The following GBP7 variants were observed in gnomAD, a reference collection of about 807,000 sequenced individuals.
The protein encoded by GBP7 is guanylate binding protein 7, also known as guanylate-binding protein 7.
A neutral mutation model predicts 61.3 loss-of-function variants in GBP7; 43 were observed. The ratio of observed to expected loss-of-function variants is 0.70; its 90% CI spans 0.55 to 0.91. GBP7 has a LOEUF of 0.91. Among genes scored for constraint, GBP7 ranks in the 40% least tolerant of loss-of-function variants. The probability of loss-of-function intolerance (pLI) is 0.00; values close to 1 mark genes in which losing one functional copy is unlikely to be tolerated. For missense variants in GBP7, 717 were observed against 740.5 expected (o/e 0.97, Z 0.37); for synonymous variants, 267 against 271.0 (o/e 0.99, Z 0.14).
rs1469978335 is a variant in GBP7 at position 89,171,816 on chromosome 1, C to CACT, written c.117_119dup (p.Val41dup). 6.2e-7 allele frequency: 1 copy of CACT among 1,613,744 alleles called. No individual in the cohort carries two copies. The highest frequency in any genetic ancestry group is 8.5e-7 in the Non-Finnish European group (1 of 1,179,944). On this transcript the variant is annotated inframe_insertion, in exon 2 of 11. Coordinates refer to ENST00000294671, the MANE Select transcript of GBP7 (RefSeq NM_207398.3). The stretch of plus-strand genomic sequence containing the variant: ...TGCGGTAGAGGCCCACAATTGCCAC[C>CACT]ACTACTACAGGCTGTGTAATGGCAG...
At chr1:89,155,541 C>T (rs143244843) in intron 3 of GBP7, among the ~76,000 whole-genome samples, 1,795 of 152,150 alleles carry the variant, frequency 0.012, 38 homozygotes, top group African/African-American at 0.04. Flanking sequence ...AAGCATGGCA[C>T]GAGAACTACG....
chr1:89,158,336 C>A (rs1055326343), intron 3 of GBP7, among the ~76,000 whole-genome samples: 2 of 152,156 alleles, frequency 1.3e-5, no homozygotes, highest in African/African-American at 4.8e-5. Flanking sequence ...TCCTATTCAA[C>A]ATAGTGTTGG....
In GBP7 at chr1:89,149,741, A is replaced by T. The variant is rs752259922; in HGVS notation, c.872-169T>A. Among the ~76,000 whole-genome samples the T allele has an allele frequency of 5.3e-5, 8 of 152,248 alleles. No homozygotes were observed. The South Asian group carries it at 8.3e-4, about 16-fold the overall frequency. ...TACTACTACTACTTTTTATGGAGTC[A>T]CTTTCCTACGATAACATGACTGTTG... is the stretch of plus-strand genomic sequence containing the variant. On this transcript the variant is annotated intron_variant, in intron 6 of 10. Coordinates refer to ENST00000294671, the MANE Select transcript of GBP7 (RefSeq NM_207398.3).
At chr1:89,152,615 T>G in intron 4 of GBP7, 53 bp downstream of exon 4, 1 of 1,561,226 alleles carries the variant, frequency 6.4e-7, no homozygotes, top group East Asian at 2.2e-5. Context: ...CAGTATCAGT[T>G]TCCATTCCCC....
At position 89,150,406 on chromosome 1, in the gene GBP7, T is replaced by G; in HGVS notation, c.795A>C (p.Ser265=). The change falls in exon 6 of 11, where the codon TCA becomes TCC. Residue 265 remains serine (S), a synonymous_variant. Transcript: ENST00000294671. The part of the protein sequence containing the change: ...DQLDSNFQMQ[S]ENFCSYIFTH... ...TGAAGATATAAGAACAGAAATTTTC[T>G]GATTGCATCTGGAAATTACTATCCA... 6.2e-7 allele frequency: 1 copy of G among 1,613,692 alleles called. No homozygotes were observed. Among genetic ancestry groups the G allele is most frequent in the Non-Finnish European group, 8.5e-7 (1 of 1,179,584 alleles).
intron 8 of GBP7, among the ~76,000 whole-genome samples, chr1:89,142,008 T>C (rs1681966529): frequency 6.6e-6 from 1 of 152,214 alleles, no homozygotes; most frequent in Non-Finnish European, 1.5e-5. Context: ...CTGCCTACCC[T>C]TTTCAAATTA....
chr1:89,134,690 C>T (rs963666923), intron 9 of GBP7, among the ~76,000 whole-genome samples: 1 of 151,836 alleles, frequency 6.6e-6, no homozygotes, highest in Admixed American at 6.6e-5. Context: ...AAGCCAAAAA[C>T]CCCATGAAAG....
At chr1:89,144,163 A>T (rs1682015666) in intron 8 of GBP7, among the ~76,000 whole-genome samples, 1 of 152,138 alleles carries the variant, frequency 6.6e-6, no homozygotes, top group Non-Finnish European at 1.5e-5. Context: ...TTCACTTAGG[A>T]TAATGGCCTC....
chr1:89,146,768 A>C (rs1570347178), intron 8 of GBP7, among the ~76,000 whole-genome samples: 1 of 152,218 alleles, frequency 6.6e-6, no homozygotes, highest in African/African-American at 2.4e-5. Flanking sequence ...AATGATGATT[A>C]TCAAAAAGTC....
At position 89,150,426 on chromosome 1, in the gene GBP7, T is replaced by C; in HGVS notation, c.775A>G (p.Ser259Gly). Residue 259 changes from serine to glycine, a missense_variant, in exon 6 of 11, where the codon AGT becomes GGT. Physicochemically the swap from Ser to Gly is moderately conservative, Grantham distance 56. Transcript: ENST00000294671. The part of the protein sequence containing the change: ...VEEVREDQLD[S>G]NFQMQSENFC... The stretch of plus-strand genomic sequence containing the variant: ...TTTTCTGATTGCATCTGGAAATTAC[T>C]ATCCAGTTGGTCTTCTCGTACTTCT... The C allele has an allele frequency of 6.2e-7, 1 of 1,614,066 alleles. No individual in the cohort carries two copies. Among genetic ancestry groups the C allele is most frequent in the Non-Finnish European group, 8.5e-7 (1 of 1,179,912 alleles).
chr1:89,162,055 T>TTTTTTC (rs1647286048), intron 3 of GBP7, among the ~76,000 whole-genome samples: 1 of 151,474 alleles, frequency 6.6e-6, no homozygotes, highest in African/African-American at 2.4e-5. Flanking sequence ...TTTTTTTTTT[T>TTTTTTC]CAGGTTTGTC....
intron 7 of GBP7, among the ~76,000 whole-genome samples, 176 bp downstream of exon 7, chr1:89,149,116 T>A (rs1682133178): frequency 6.6e-6 from 1 of 152,138 alleles, no homozygotes; most frequent in Non-Finnish European, 1.5e-5. Context: ...AGAAAATTAA[T>A]AAATTTCCCA....
rs769215097 is a variant in GBP7, at chr1:89,141,573, G to C, written c.1441C>G (p.Leu481Val). 1.9e-6 allele frequency: 3 copies of C among 1,613,778 alleles called. No homozygotes were observed. The South Asian group carries it at 3.3e-5, about 18-fold the overall frequency. ...EESILQSDKA[L>V]TAGEKAIAAK... ...GCTATGGCCTTCTCTCCAGCAGTGA[G>C]GGCTTTGTCTGACTGCAGGATGGAT... Residue 481 changes from leucine to valine, a missense_variant, in exon 9 of 11, where the codon CTC (leucine) becomes GTC (valine). Coordinates refer to ENST00000294671, the MANE Select transcript of GBP7 (RefSeq NM_207398.3).
intron 5 of GBP7, among the ~76,000 whole-genome samples, 181 bp downstream of exon 5, chr1:89,152,087 C>G (rs1321417327): frequency 6.6e-6 from 1 of 152,096 alleles, no homozygotes; most frequent in Non-Finnish European, 1.5e-5. Flanking sequence ...GAACCTCAGC[C>G]TCTGGGAAAT....
chr1:89,133,049 G>A (rs1189403227), intron 10 of GBP7, among the ~76,000 whole-genome samples: 1 of 152,204 alleles, frequency 6.6e-6, no homozygotes, highest in Non-Finnish European at 1.5e-5. Flanking sequence ...GGGATGTCAT[G>A]TGTACTCTCC....
chr1:89,142,844 C>A (rs1681983932), intron 8 of GBP7, among the ~76,000 whole-genome samples: 1 of 152,088 alleles, frequency 6.6e-6, no homozygotes. Context: ...GCTACAAATA[C>A]CTGAGACTGG....
intron 1 of GBP7, among the ~76,000 whole-genome samples, chr1:89,172,603 AT>A (rs1268723571): frequency 1.3e-5 from 2 of 152,032 alleles, no homozygotes; most frequent in African/African-American, 2.4e-5. Context: ...TGATGTTGAC[AT>A]TACTTTTTCT....
rs968537346 is a variant in GBP7 at position 89,148,841 on chromosome 1, TA to T, written c.1152+450del. On this transcript the variant is annotated intron_variant, in intron 7 of 10. Coordinates refer to ENST00000294671, the MANE Select transcript of GBP7 (RefSeq NM_207398.3). Reference sequence around the variant, plus strand: ...GCTTCTTTATTTTACCTTTTTAAAATAAAAAAAAATTCTATATGTATAATGC... The same window carrying T: ...GCTTCTTTATTTTACCTTTTTAAAATAAAAAAAATTCTATATGTATAATGC... Among the ~76,000 whole-genome samples, 11 of 151,712 alleles carry T rather than the reference TA, an allele frequency of 7.3e-5. No individual in the cohort carries two copies. In the South Asian group the frequency reaches 8.3e-4, roughly 11 times the overall value.
intron 3 of GBP7, among the ~76,000 whole-genome samples, chr1:89,154,445 C>G (rs1682268200): frequency 6.6e-6 from 1 of 152,118 alleles, no homozygotes; most frequent in African/African-American, 2.4e-5. Context: ...CTTCTGGGTT[C>G]AAGCAATTCT....
Sources: allele counts gnomAD v4.1 joint callset (sites outside exome capture counted in the v4.1 genomes callset), GRCh38; gene constraint gnomAD v4.1.1; transcripts MANE v1.5; gene names NCBI Gene and HGNC (gene_info 2026-07-23, HGNC 2026-07-21).